GALNT18: variants seen among roughly 807,000 people sequenced by gnomAD.
The protein encoded by GALNT18 is polypeptide N-acetylgalactosaminyltransferase 18.
A neutral mutation model predicts 69.5 loss-of-function variants in GALNT18; 44 were observed. The observed-to-expected ratio is 0.63, with a 90% CI of 0.50 to 0.81. The LOEUF is 0.81. GALNT18 is among the 40% of genes least tolerant of loss of function. GALNT18 has a pLI of 0.00. For synonymous variants in GALNT18, 364 were observed against 318.2 expected, an observed-to-expected ratio of 1.14 and a Z score of -1.53; for missense variants, 715 against 810.0, an observed-to-expected ratio of 0.88 and a Z score of 1.42.
intron 1 of GALNT18, among the ~76,000 whole-genome samples, chr11:11,578,374 C>A (rs1858981723): frequency 6.8e-6 from 1 of 147,988 alleles, no homozygotes; most frequent in African/African-American, 2.6e-5. Context: ...AATCCCCACA[C>A]TTTCTCCTTT....
At position 11,424,097 on chromosome 11, in the gene GALNT18, C is replaced by G. The variant is rs556278759; in HGVS notation, c.595+8524G>C. ...AAGCCTGAACACCAGCCTGGGAAAC[C>G]CTTCCTGGCCAAGCCTGCCTGCTGC... On this transcript the variant is annotated intron_variant, in intron 3 of 10. Coordinates refer to ENST00000227756, the MANE Select transcript of GALNT18 (RefSeq NM_198516.3). Among the ~76,000 whole-genome samples, 605 of 152,274 alleles carry G rather than the reference C, an allele frequency of 4.0e-3. 1 individual carries two copies. The highest frequency in any genetic ancestry group is 0.013 in the African/African-American group (532 of 41,546).
In GALNT18 at chr11:11,568,051, C is replaced by CATG. The variant is rs1275605418; in HGVS notation, c.235+53305_235+53307dup. Among the ~76,000 whole-genome samples, 5 of 152,340 alleles carry CATG rather than the reference C, an allele frequency of 3.3e-5. No individual in the cohort carries two copies. The East Asian group carries it at 9.6e-4, about 29-fold the overall frequency. On this transcript the variant is annotated intron_variant, in intron 1 of 10. Transcript: ENST00000227756. ...TTTTGGCCAACAGAGTGTGAGCAGA[C>CATG]ATGAAGGATGCCAGGTCTGAACAGA...
chr11:11,552,223 A>T, intron 1 of GALNT18, among the ~76,000 whole-genome samples: 1 of 152,232 alleles, frequency 6.6e-6, no homozygotes, highest in East Asian at 1.9e-4. Flanking sequence ...GCAATGAGCC[A>T]TGCATGTGAG....
At chr11:11,443,159 G>T (rs1423100512) in intron 2 of GALNT18, among the ~76,000 whole-genome samples, 1 of 152,168 alleles carries the variant, frequency 6.6e-6, no homozygotes, top group African/African-American at 2.4e-5. Context: ...GAGCACACAT[G>T]TTCCACCTGC....
At chr11:11,408,514 C>G (rs1224724749) in intron 3 of GALNT18, among the ~76,000 whole-genome samples, 1 of 152,034 alleles carries the variant, frequency 6.6e-6, no homozygotes, top group Non-Finnish European at 1.5e-5. Flanking sequence ...ATATGCACAC[C>G]AAGTCGCATT....
At position 11,541,872 on chromosome 11, in the gene GALNT18, C is replaced by T. The variant is rs552847342; in HGVS notation, c.235+79487G>A. ...AGCAGGTTGCTTTCCCTCAGCCTGG[C>T]CACCCTTCCAGAGAGCTGTCCTGAC... On this transcript the variant is annotated intron_variant, in intron 1 of 10. Transcript: ENST00000227756. This position sits in a 1 kb window ranked among gnomAD's most constrained non-coding sequence, Gnocchi z 4.8. 2.0e-5 allele frequency among the ~76,000 whole-genome samples: 3 copies of T among 152,310 alleles called. No individual in the cohort carries two copies. The highest frequency in any genetic ancestry group is 6.5e-5 in the Admixed American group (1 of 15,302).
chr11:11,415,295 C>T lies in GALNT18; in HGVS notation c.595+17326G>A, dbSNP rs1174444293. ...CAGATTAGTATTTGCTTGAATAACTCGGCGAAGTGAATATACACCACTTCC... is the reference window on the plus strand; with the variant it reads ...CAGATTAGTATTTGCTTGAATAACTTGGCGAAGTGAATATACACCACTTCC... On this transcript the variant is annotated intron_variant, in intron 3 of 10. Transcript: ENST00000227756. This position sits in a 1 kb window ranked among gnomAD's most constrained non-coding sequence, Gnocchi z 4.1. 7.2e-5 allele frequency among the ~76,000 whole-genome samples: 11 copies of T among 152,078 alleles called. No individual in the cohort carries two copies. The highest frequency in any genetic ancestry group is 4.2e-4 in the South Asian group (2 of 4,818).
At chr11:11,438,664 C>T (rs139354284) in intron 2 of GALNT18, among the ~76,000 whole-genome samples, 17 of 152,296 alleles carry the variant, frequency 1.1e-4, no homozygotes, top group African/African-American at 4.1e-4. Flanking sequence ...TCTATATCTT[C>T]CTTTCCATAC....
chr11:11,329,658 C>A (rs9665836), intron 8 of GALNT18, among the ~76,000 whole-genome samples: 90,795 of 152,092 alleles, frequency 0.6, 27,730 homozygotes, highest in South Asian at 0.72. Context: ...ACTTGTCTGC[C>A]CTGTTAGTCA....
At chr11:11,452,810 C>G (rs1017227846) in intron 1 of GALNT18, among the ~76,000 whole-genome samples, 1 of 152,158 alleles carries the variant, frequency 6.6e-6, no homozygotes, top group Non-Finnish European at 1.5e-5. Flanking sequence ...TGGACTCTGG[C>G]TGAAGCCCCT....
chr11:11,523,272 CTT>C lies in GALNT18; in HGVS notation c.236-74338_236-74337del, dbSNP rs1343335107. On this transcript the variant is annotated intron_variant, in intron 1 of 10. Coordinates refer to ENST00000227756, the MANE Select transcript of GALNT18 (RefSeq NM_198516.3). This position sits in a 1 kb window ranked among gnomAD's most constrained non-coding sequence, Gnocchi z 4.3. ...TGCATGCCCTCCAAGTACAGCATCTCTTTTAATACAACAGCTGTTTGAGGCAA... is the reference window on the plus strand; with the variant it reads ...TGCATGCCCTCCAAGTACAGCATCTCTTAATACAACAGCTGTTTGAGGCAA... 3.3e-5 allele frequency among the ~76,000 whole-genome samples: 5 copies of C among 152,176 alleles called. No individual in the cohort carries two copies. Among genetic ancestry groups the C allele is most frequent in the African/African-American group, 1.2e-4 (5 of 41,448 alleles).
intron 5 of GALNT18, among the ~76,000 whole-genome samples, chr11:11,376,791 C>T (rs916972408): frequency 6.6e-6 from 1 of 152,154 alleles, no homozygotes; most frequent in East Asian, 1.9e-4. Context: ...CTCTGAAAAG[C>T]ATTTCCCCGC....
rs193256934 is a variant in GALNT18 at position 11,274,430 on chromosome 11, G to T, written c.1678-3140C>A. ...CCCACTCCCACAGAGCCCAGCAAGC[G>T]AAAATCCACTGGCTTGAAATTCTCG... On this transcript the variant is annotated intron_variant, in intron 10 of 10. Coordinates refer to ENST00000227756, the MANE Select transcript of GALNT18 (RefSeq NM_198516.3). Among the ~76,000 whole-genome samples the T allele has an allele frequency of 2.8e-3, 434 of 152,320 alleles. 5 individuals carry two copies. Among genetic ancestry groups the T allele is most frequent in the African/African-American group, 9.7e-3 (405 of 41,564 alleles).
chr11:11,336,454 C>T (rs1337957290), intron 7 of GALNT18, among the ~76,000 whole-genome samples: 1 of 152,190 alleles, frequency 6.6e-6, no homozygotes, highest in East Asian at 1.9e-4. Context: ...ACATCACCGA[C>T]AAGAGTTAAC....
Position 11,379,100 on chromosome 11 carries a change from C to A in GALNT18, c.760G>T (p.Val254Leu), listed in dbSNP as rs141880350. 6.2e-7 allele frequency: 1 copy of A among 1,606,872 alleles called. No homozygotes were observed. Among genetic ancestry groups the A allele is most frequent in the Non-Finnish European group, 8.5e-7 (1 of 1,178,836 alleles). The change falls in exon 4 of 11, where the codon GTG (valine) becomes TTG (leucine). Residue 254 changes from valine (V) to leucine (L), a missense_variant. Physicochemically the swap from Val to Leu is conservative, Grantham distance 32. Coordinates refer to ENST00000227756, the MANE Select transcript of GALNT18 (RefSeq NM_198516.3). ...ACTTACCAGCCCACATTGAACTCCA[C>A]GTGGGCATCAAAGAGTGCCACCACA... Reference protein sequence around the residue: ...APVVALFDAHVEFNVGWAEPV... With the variant: ...APVVALFDAHLEFNVGWAEPV...
chr11:11,291,113 T>C (rs1267081334), intron 10 of GALNT18, among the ~76,000 whole-genome samples: 3 of 152,160 alleles, frequency 2.0e-5, no homozygotes, highest in Admixed American at 1.3e-4. Flanking sequence ...CTCTGGCCCC[T>C]GAGCTGGAAA....
rs181816677 is a variant in GALNT18 at position 11,435,798 on chromosome 11, C to T, written c.429-3011G>A. Among the ~76,000 whole-genome samples, 82 of 152,334 alleles carry T rather than the reference C, an allele frequency of 5.4e-4. No homozygotes were observed. Among genetic ancestry groups the T allele is most frequent in the African/African-American group, 1.9e-3 (78 of 41,572 alleles). Reference sequence around the variant, plus strand: ...GGAGAGTCAGGTCCCGGTCCTCCCGCCGACCAGCAGGCTCCTGTTCTCCCA... The same window carrying T: ...GGAGAGTCAGGTCCCGGTCCTCCCGTCGACCAGCAGGCTCCTGTTCTCCCA... On this transcript the variant is annotated intron_variant, in intron 2 of 10. Coordinates refer to ENST00000227756, the MANE Select transcript of GALNT18 (RefSeq NM_198516.3). The surrounding 1 kb of genome is among the most constrained non-coding windows in gnomAD (Gnocchi z 4.4).
Position 11,602,045 on chromosome 11 carries a change from A to G in GALNT18, c.235+19314T>C, listed in dbSNP as rs1205049344. On this transcript the variant is annotated intron_variant, in intron 1 of 10. Coordinates refer to ENST00000227756, the MANE Select transcript of GALNT18 (RefSeq NM_198516.3). The surrounding 1 kb of genome is among the most constrained non-coding windows in gnomAD (Gnocchi z 4.7). ...TTATGCTTGGACCTCCTCATACTCCATTCCAAATAAAGTCAAAAGCTACAA... is the reference window on the plus strand; with the variant it reads ...TTATGCTTGGACCTCCTCATACTCCGTTCCAAATAAAGTCAAAAGCTACAA... 6.6e-6 allele frequency among the ~76,000 whole-genome samples: 1 copy of G among 152,244 alleles called. No individual in the cohort carries two copies. Among genetic ancestry groups the G allele is most frequent in the East Asian group, 1.9e-4 (1 of 5,168 alleles).
rs1205213585 is a variant in GALNT18, at chr11:11,602,663, A to C, written c.235+18696T>G. On this transcript the variant is annotated intron_variant, in intron 1 of 10. Transcript: ENST00000227756. The surrounding 1 kb of genome is among the most constrained non-coding windows in gnomAD (Gnocchi z 4.7). ...AGGGACTTTAGATGGGTGTTGTTTA[A>C]TAATTTTTACCAGTTATGTTGTTTC... 6.6e-6 allele frequency among the ~76,000 whole-genome samples: 1 copy of C among 152,154 alleles called. No individual in the cohort carries two copies. Among genetic ancestry groups the C allele is most frequent in the Admixed American group, 6.5e-5 (1 of 15,276 alleles).
Sources: gnomAD v4.1 joint callset for allele counts (sites outside exome capture counted in the v4.1 genomes callset) on GRCh38, gnomAD v4.1.1 for gene constraint, Gnocchi (gnomAD v3.1) non-coding constraint, MANE v1.5 for transcripts, NCBI Gene and HGNC (gene_info 2026-07-23, HGNC 2026-07-21) for gene names.